The following DNAJC1 variants were observed in gnomAD, a reference collection of about 807,000 sequenced individuals.
DNAJC1 encodes dnaJ homolog subfamily C member 1.
A neutral mutation model predicts 76.6 loss-of-function variants in DNAJC1; 58 were observed. The ratio of observed to expected loss-of-function variants is 0.76; its 90% CI spans 0.61 to 0.94. The LOEUF is 0.94. DNAJC1 is among the 40% of genes least tolerant of loss of function. DNAJC1 has a pLI of 0.00. For missense variants in DNAJC1, 689 were observed against 677.3 expected, an observed-to-expected ratio of 1.02 and a Z score of -0.19; for synonymous variants, 258 against 267.9, an observed-to-expected ratio of 0.96 and a Z score of 0.36.
At chr10:21,907,815 A>G (rs1286968494) in intron 6 of DNAJC1, among the ~76,000 whole-genome samples, 1 of 150,272 alleles carries the variant, frequency 6.7e-6, no homozygotes, top group African/African-American at 2.5e-5. Flanking sequence ...CATGTGTACT[A>G]AAAATACAAA....
chr10:21,909,734 A>G (rs1836822937), intron 6 of DNAJC1, among the ~76,000 whole-genome samples: 1 of 152,232 alleles, frequency 6.6e-6, no homozygotes, highest in Admixed American at 6.5e-5. Flanking sequence ...ACTCACAGAA[A>G]AACTCATGCA....
At chr10:21,898,706 C>G (rs1482118444) in intron 7 of DNAJC1, among the ~76,000 whole-genome samples, 2 of 151,842 alleles carry the variant, frequency 1.3e-5, no homozygotes, top group Non-Finnish European at 2.9e-5. Flanking sequence ...ACATGTGCCA[C>G]CACAGCCAGA....
At chr10:21,916,243 T>C (rs1836953119) in intron 6 of DNAJC1, among the ~76,000 whole-genome samples, 1 of 152,148 alleles carries the variant, frequency 6.6e-6, no homozygotes, top group African/African-American at 2.4e-5. Flanking sequence ...CCTATAATCT[T>C]AGCACTTTGG....
intron 8 of DNAJC1, among the ~76,000 whole-genome samples, chr10:21,875,718 G>T (rs1305297532): frequency 6.6e-6 from 1 of 152,144 alleles, no homozygotes; most frequent in African/African-American, 2.4e-5. Context: ...TTGTGGTCAG[G>T]AGTTCAGACC....
intron 8 of DNAJC1, among the ~76,000 whole-genome samples, chr10:21,837,482 C>G (rs1054508555): frequency 1.3e-5 from 2 of 151,658 alleles, no homozygotes; most frequent in African/African-American, 4.9e-5. Context: ...CTCTGCCCGG[C>G]CGCCCATCGT....
intron 6 of DNAJC1, among the ~76,000 whole-genome samples, chr10:21,916,344 C>T (rs1318887832): frequency 1.3e-5 from 2 of 152,034 alleles, no homozygotes; most frequent in African/African-American, 4.8e-5. Context: ...AAAAAATTAG[C>T]CGGGCGTGGT....
chr10:21,757,402 A>T (rs541461063), intron 11 of DNAJC1, among the ~76,000 whole-genome samples: 1 of 152,318 alleles, frequency 6.6e-6, no homozygotes, highest in South Asian at 2.1e-4. Flanking sequence ...TGATCACAGG[A>T]ACTTTCCAGA....
chr10:21,869,303 C>T (rs959424592), intron 8 of DNAJC1, among the ~76,000 whole-genome samples: 1 of 151,666 alleles, frequency 6.6e-6, no homozygotes, highest in Non-Finnish European at 1.5e-5. Flanking sequence ...AACAAGAACC[C>T]TGGCTTCTAC....
chr10:21,818,477 T>C (rs1268901668), intron 8 of DNAJC1, among the ~76,000 whole-genome samples: 1 of 152,238 alleles, frequency 6.6e-6, no homozygotes, highest in African/African-American at 2.4e-5. Context: ...TGTGATATTC[T>C]ATTACCTTGT....
At chr10:21,896,738 G>C (rs184177084) in intron 7 of DNAJC1, among the ~76,000 whole-genome samples, 13 of 152,124 alleles carry the variant, frequency 8.5e-5, no homozygotes, top group Admixed American at 7.2e-4. Context: ...TTTTGGAAGG[G>C]GGGGGTTCAG....
chr10:21,798,633 C>T (rs750948558), intron 9 of DNAJC1, among the ~76,000 whole-genome samples: 1 of 152,156 alleles, frequency 6.6e-6, no homozygotes. Flanking sequence ...ACTACCTCTC[C>T]GAGAACACTT....
At position 21,759,376 on chromosome 10, in the gene DNAJC1, T is replaced by TGGACTTCTCCTCTGGCTCC. The variant is rs779340092; in HGVS notation, c.1371_1389dup (p.Arg464GlyfsTer15). On this transcript the variant is annotated frameshift_variant, in exon 11 of 12. Transcript: ENST00000376980. LOFTEE classifies it high-confidence loss of function. Reference sequence around the variant, plus strand: ...TCAAAGTCCTTCTGCCGCTTGGCTCTGGACTTCTCCTCTGGCTCCGGCTTC... The same window carrying TGGACTTCTCCTCTGGCTCC: ...TCAAAGTCCTTCTGCCGCTTGGCTCTGGACTTCTCCTCTGGCTCCGGACTTCTCCTCTGGCTCCGGCTTC... The TGGACTTCTCCTCTGGCTCC allele has an allele frequency of 6.2e-7, 1 of 1,614,228 alleles. No homozygotes were observed. Among genetic ancestry groups the TGGACTTCTCCTCTGGCTCC allele is most frequent in the Non-Finnish European group, 8.5e-7 (1 of 1,180,024 alleles).
At chr10:22,000,908 G>A (rs1838508028) in intron 1 of DNAJC1, among the ~76,000 whole-genome samples, 1 of 152,132 alleles carries the variant, frequency 6.6e-6, no homozygotes, top group African/African-American at 2.4e-5. Context: ...TTCTCCTGTT[G>A]AAAAGCTGTC....
At chr10:21,811,512 T>C (rs374148189) in intron 8 of DNAJC1, among the ~76,000 whole-genome samples, 7 of 152,240 alleles carry the variant, frequency 4.6e-5, no homozygotes, top group Admixed American at 1.3e-4. Flanking sequence ...AGTGTGAGAG[T>C]TGTGTGCAAG....
At chr10:21,912,656 AT>A (rs1297597155) in intron 6 of DNAJC1, among the ~76,000 whole-genome samples, 1 of 152,176 alleles carries the variant, frequency 6.6e-6, no homozygotes, top group Non-Finnish European at 1.5e-5. Flanking sequence ...GTTTTAGAGT[AT>A]TAAAAGCAAG....
intron 8 of DNAJC1, among the ~76,000 whole-genome samples, chr10:21,870,813 A>G (rs1836091027): frequency 6.6e-6 from 1 of 151,986 alleles, no homozygotes; most frequent in African/African-American, 2.4e-5. Context: ...AGAAAGAACA[A>G]AATACAGACA....
At chr10:21,836,403 G>C (rs1436946709) in intron 8 of DNAJC1, among the ~76,000 whole-genome samples, 1 of 152,198 alleles carries the variant, frequency 6.6e-6, no homozygotes, top group Non-Finnish European at 1.5e-5. Context: ...TCAAGGCTAG[G>C]AAGAAACTGC....
At chr10:21,759,080 G>A (rs1441998008) in intron 11 of DNAJC1, 90 bp downstream of exon 11, 27 of 1,291,452 alleles carry the variant, frequency 2.1e-5, no homozygotes, top group Non-Finnish European at 1.9e-5. Context: ...CAGTAGATAG[G>A]AATGAGGGAA....
intron 8 of DNAJC1, among the ~76,000 whole-genome samples, chr10:21,857,748 C>G (rs1196981111): frequency 6.6e-6 from 1 of 151,782 alleles, no homozygotes; most frequent in Admixed American, 6.6e-5. Context: ...CCCAGCTACT[C>G]GGGAGGCTGA....
Sources: allele counts gnomAD v4.1 joint callset (sites outside exome capture counted in the v4.1 genomes callset), GRCh38; gene constraint gnomAD v4.1.1; transcripts MANE v1.5; gene names NCBI Gene and HGNC (gene_info 2026-07-23, HGNC 2026-07-21).